The following SYTL2 variants were observed in gnomAD, a reference collection of about 807,000 sequenced individuals.
SYTL2 encodes the protein synaptotagmin like 2.
SYTL2 carries 165 observed loss-of-function variants against 198.7 expected under a neutral mutation model. The ratio of observed to expected loss-of-function variants is 0.83; its 90% CI spans 0.73 to 0.94. The LOEUF (loss-of-function observed/expected upper bound fraction) is 0.94. Among genes scored for constraint, SYTL2 ranks in the 40% least tolerant of loss-of-function variants. The probability of loss-of-function intolerance (pLI) is 0.00; values close to 1 mark genes in which losing one functional copy is unlikely to be tolerated. For synonymous variants in SYTL2, 966 were observed against 917.7 expected (o/e 1.05, Z -0.95); for missense variants, 2,835 against 2,582.8 (o/e 1.10, Z -2.12).
chr11:85,706,083 A>T (rs2085099130), intron 15 of SYTL2, among the ~76,000 whole-genome samples: 2 of 152,208 alleles, frequency 1.3e-5, no homozygotes, highest in South Asian at 4.1e-4. Flanking sequence ...AAAGAATATG[A>T]GCCAAGTATA....
chr11:85,719,562 A>T (rs765927828), intron 9 of SYTL2, among the ~76,000 whole-genome samples: 13 of 152,168 alleles, frequency 8.5e-5, no homozygotes, highest in Admixed American at 1.3e-4. Context: ...AGGAAAAACA[A>T]TCAGGGCTGT....
intron 1 of SYTL2, among the ~76,000 whole-genome samples, chr11:85,793,724 T>C (rs1275749245): frequency 2.0e-5 from 3 of 152,202 alleles, no homozygotes; most frequent in African/African-American, 4.8e-5. Context: ...GGCATATCCA[T>C]GGTTAAAATC....
chr11:85,709,341 G>A lies in SYTL2; in HGVS notation c.5905C>T (p.Arg1969Cys), dbSNP rs758216553. The change falls in exon 14 of 20, where the codon CGT (arginine) becomes TGT (cysteine). Residue 1969 changes from arginine to cysteine, a missense_variant. This residue lies in a region of SYTL2 where 2,645 missense variants were observed against 2,381.7 expected (regional missense o/e 1.11). Coordinates refer to ENST00000359152, the MANE Select transcript of SYTL2 (RefSeq NM_206927.4). Reference sequence around the variant, plus strand: ...CTAAAATGTACTTACGGGTCTGAACGCTGTTTTTTTACATCCGCTGCTGCT... The same window carrying A: ...CTAAAATGTACTTACGGGTCTGAACACTGTTTTTTTACATCCGCTGCTGCT... Reference protein sequence around the residue: ...DLAAADVKKQRSDPYVKAYLL... With the variant: ...DLAAADVKKQCSDPYVKAYLL... 6.8e-6 allele frequency: 11 copies of A among 1,613,892 alleles called. No homozygotes were observed. The highest frequency in any genetic ancestry group is 4.5e-5 in the East Asian group (2 of 44,874).
intron 1 of SYTL2, among the ~76,000 whole-genome samples, chr11:85,810,581 T>C (rs1417863760): frequency 1.3e-5 from 2 of 152,042 alleles, no homozygotes; most frequent in African/African-American, 4.8e-5. Context: ...CTCCTACCTT[T>C]CTGCACCTGA....
At chr11:85,708,596 T>C (rs186991189) in intron 14 of SYTL2, among the ~76,000 whole-genome samples, 14 of 152,286 alleles carry the variant, frequency 9.2e-5, no homozygotes, top group East Asian at 1.9e-4. Context: ...GTCTTAACTA[T>C]TTTTATACCA....
At chr11:85,781,021 AGT>A (rs1375695196) in intron 1 of SYTL2, among the ~76,000 whole-genome samples, 1 of 152,202 alleles carries the variant, frequency 6.6e-6, no homozygotes, top group African/African-American at 2.4e-5. Flanking sequence ...GGGGTACAGA[AGT>A]GTTCTGCGCT....
chr11:85,708,276 C>T, intron 14 of SYTL2: 1 of 251,332 alleles, frequency 4.0e-6, no homozygotes, highest in Admixed American at 5.4e-5. Flanking sequence ...GTTTTTGTTA[C>T]CGTCTTTTGA....
intron 2 of SYTL2, among the ~76,000 whole-genome samples, chr11:85,752,934 A>AC (rs2091613025): frequency 1.4e-5 from 2 of 142,096 alleles, no homozygotes; most frequent in East Asian, 2.0e-4. Context: ...AAAAAAAAAA[A>AC]AAAAAAAAAA....
At chr11:85,844,144 G>A in the SYTL2 span, among the ~76,000 whole-genome samples, 1 of 152,180 alleles carries the variant, frequency 6.6e-6, no homozygotes, top group African/African-American at 2.4e-5. Flanking sequence ...CCCCCTGTTG[G>A]TGACTCTATC....
At chr11:85,793,144 A>T (rs1463091100) in intron 1 of SYTL2, among the ~76,000 whole-genome samples, 1 of 151,744 alleles carries the variant, frequency 6.6e-6, no homozygotes, top group Non-Finnish European at 1.5e-5. Flanking sequence ...GTATATACCC[A>T]GTAATGGGAT....
intron 2 of SYTL2, among the ~76,000 whole-genome samples, chr11:85,752,243 G>A (rs2091556576): frequency 1.3e-5 from 2 of 152,114 alleles, no homozygotes; most frequent in African/African-American, 4.8e-5. Context: ...GAATATACTG[G>A]GCAAGATGTT....
intron 12 of SYTL2, among the ~76,000 whole-genome samples, chr11:85,713,663 AT>A (rs1486856305): frequency 6.6e-5 from 10 of 152,186 alleles, no homozygotes; most frequent in Non-Finnish European, 1.2e-4. Flanking sequence ...CTCTTTCTTC[AT>A]TTGTAAAATG....
the SYTL2 span, among the ~76,000 whole-genome samples, chr11:85,829,485 C>T: frequency 6.6e-6 from 1 of 152,142 alleles, no homozygotes; most frequent in East Asian, 1.9e-4. Context: ...CATGTCTTTG[C>T]TATTGTGAGT....
At chr11:85,789,384 A>ATATATATATATATAAG (rs1555260972) in intron 1 of SYTL2, among the ~76,000 whole-genome samples, 17 of 86,512 alleles carry the variant, frequency 2.0e-4, no homozygotes, top group African/African-American at 7.2e-4. Context: ...ATATGTATAT[A>ATATATATATATATAAG]TATATATATA....
At chr11:85,753,186 T>A (rs1283905739) in intron 2 of SYTL2, among the ~76,000 whole-genome samples, 1 of 152,042 alleles carries the variant, frequency 6.6e-6, no homozygotes, top group Non-Finnish European at 1.5e-5. Flanking sequence ...CATAAAAGAC[T>A]AAAATTACAT....
intron 1 of SYTL2, among the ~76,000 whole-genome samples, chr11:85,806,592 C>T (rs2092961713): frequency 6.6e-6 from 1 of 152,174 alleles, no homozygotes; most frequent in South Asian, 2.1e-4. Context: ...TAAGCAGAAA[C>T]CACTCTCCTC....
the SYTL2 span, among the ~76,000 whole-genome samples, chr11:85,842,439 C>T: frequency 0.01 from 1,538 of 152,310 alleles, 15 homozygotes; most frequent in African/African-American, 0.033. Flanking sequence ...CAATTCTGAG[C>T]GTATTTTCTC....
chr11:85,791,383 G>A (rs1224776305), intron 1 of SYTL2, among the ~76,000 whole-genome samples: 1 of 152,126 alleles, frequency 6.6e-6, no homozygotes, highest in Non-Finnish European at 1.5e-5. Context: ...AGGATTGGGA[G>A]TAGAGAGATA....
the SYTL2 span, among the ~76,000 whole-genome samples, chr11:85,849,055 T>C: frequency 3.9e-5 from 6 of 152,242 alleles, no homozygotes; most frequent in South Asian, 2.1e-4. Context: ...TCCCATTTTA[T>C]AATACAATAT....
Sources: gnomAD v4.1 joint callset for allele counts (sites outside exome capture counted in the v4.1 genomes callset) on GRCh38, gnomAD v4.1.1 for gene constraint, gnomAD v4.1.1 regional missense constraint, MANE v1.5 for transcripts, NCBI Gene and HGNC (gene_info 2026-07-23, HGNC 2026-07-21) for gene names.